Variants in HPSE2 observed in about 807,000 individuals in gnomAD.
HPSE2 encodes the protein inactive heparanase-2.
Under a neutral mutation model 60.5 loss-of-function variants are expected in HPSE2, and 38 were observed. That is an observed-to-expected ratio of 0.63 (90% CI 0.48 to 0.82). The LOEUF (loss-of-function observed/expected upper bound fraction) is 0.82, where lower values mean the gene tolerates loss of function less well. Among genes scored for constraint, HPSE2 ranks in the 40% least tolerant of loss-of-function variants. The pLI is 0.00. For missense variants in HPSE2, 713 were observed against 740.4 expected (o/e 0.96, Z 0.43); for synonymous variants, 295 against 293.2 (o/e 1.01, Z -0.06).
chr10:98,755,381 T>G (rs903479543), intron 3 of HPSE2, among the ~76,000 whole-genome samples: 1 of 152,090 alleles, frequency 6.6e-6, no homozygotes, highest in African/African-American at 2.4e-5. Context: ...AACAAGTTAT[T>G]AGAGAACTAT....
At chr10:98,644,451 G>A (rs1362782793) in intron 6 of HPSE2, among the ~76,000 whole-genome samples, 1 of 152,142 alleles carries the variant, frequency 6.6e-6, no homozygotes. Flanking sequence ...AACAGATGCT[G>A]GATTCCCAGC....
At chr10:98,710,882 T>C (rs1948660605) in intron 5 of HPSE2, among the ~76,000 whole-genome samples, 1 of 152,100 alleles carries the variant, frequency 6.6e-6, no homozygotes, top group African/African-American at 2.4e-5. Flanking sequence ...TAAGATTTTT[T>C]CTCAAGATAG....
intron 9 of HPSE2, among the ~76,000 whole-genome samples, chr10:98,499,193 A>G (rs887464788): frequency 1.3e-5 from 2 of 152,196 alleles, no homozygotes; most frequent in Non-Finnish European, 2.9e-5. Flanking sequence ...ACCTAGGCAT[A>G]TTGTCATCAG....
At chr10:98,986,463 T>C (rs1956354276) in intron 3 of HPSE2, among the ~76,000 whole-genome samples, 1 of 150,944 alleles carries the variant, frequency 6.6e-6, no homozygotes, top group African/African-American at 2.4e-5. Context: ...AGACACAACA[T>C]ACCAGAATCT....
intron 7 of HPSE2, among the ~76,000 whole-genome samples, chr10:98,626,270 G>T (rs1946212184): frequency 6.6e-6 from 1 of 152,178 alleles, no homozygotes; most frequent in African/African-American, 2.4e-5. Flanking sequence ...CTACCACCAG[G>T]AAGTTCAAAA....
chr10:98,735,696 T>G (rs886817600), intron 4 of HPSE2, among the ~76,000 whole-genome samples: 1 of 152,164 alleles, frequency 6.6e-6, no homozygotes, highest in African/African-American at 2.4e-5. Context: ...AGGAGATCAT[T>G]TGGGAGCTTT....
chr10:99,055,797 A>G (rs1958099765), intron 3 of HPSE2, among the ~76,000 whole-genome samples: 1 of 152,178 alleles, frequency 6.6e-6, no homozygotes, highest in Admixed American at 6.5e-5. Flanking sequence ...ATAATGTATC[A>G]AAATTTGTGG....
chr10:98,550,471 A>C (rs2133851009), intron 9 of HPSE2, among the ~76,000 whole-genome samples: 1 of 135,248 alleles, frequency 7.4e-6, no homozygotes, highest in Non-Finnish European at 1.5e-5. Context: ...TTCTTTCTTA[A>C]ATTTTTTTTT....
At chr10:98,696,183 T>C (rs1948207870) in intron 5 of HPSE2, among the ~76,000 whole-genome samples, 1 of 150,460 alleles carries the variant, frequency 6.6e-6, no homozygotes, top group Non-Finnish European at 1.5e-5. Flanking sequence ...AATGTTTACA[T>C]GGAATTTACT....
intron 6 of HPSE2, 74 bp downstream of exon 6, chr10:98,693,826 A>G: frequency 1.7e-6 from 2 of 1,160,884 alleles, no homozygotes; most frequent in African/African-American, 3.0e-5. Flanking sequence ...TCAGTTATGA[A>G]CTTAGTGACA....
At chr10:99,047,897 C>T in intron 3 of HPSE2, 1 of 763,222 alleles carries the variant, frequency 1.3e-6, no homozygotes, top group South Asian at 1.3e-5. Context: ...ACCTTCAGAA[C>T]CCAAACTGGC....
At chr10:98,674,168 A>G (rs191674565) in intron 6 of HPSE2, among the ~76,000 whole-genome samples, 3 of 152,314 alleles carry the variant, frequency 2.0e-5, no homozygotes, top group Admixed American at 6.5e-5. Context: ...AATTAATGTT[A>G]TTTCTTACCT....
At chr10:99,145,264 G>A (rs919410214) in intron 2 of HPSE2, among the ~76,000 whole-genome samples, 1 of 152,242 alleles carries the variant, frequency 6.6e-6, no homozygotes, top group East Asian at 1.9e-4. Context: ...AGACCAGTCT[G>A]ACCAATATGG....
Position 98,773,089 on chromosome 10 carries a change from G to A in HPSE2, c.611-29033C>T, listed in dbSNP as rs147428904. Among the ~76,000 whole-genome samples, 66 of 152,220 alleles carry A rather than the reference G, an allele frequency of 4.3e-4. No individual in the cohort carries two copies. The East Asian group carries it at 7.3e-3, about 17-fold the overall frequency. On this transcript the variant is annotated intron_variant, in intron 3 of 11. Transcript: ENST00000370552. Reference sequence around the variant, plus strand: ...TATGGTGATCTGTTTCAAGATCCTAGCCAGAGGCATAGGAGCCTCCAACCA... The same window carrying A: ...TATGGTGATCTGTTTCAAGATCCTAACCAGAGGCATAGGAGCCTCCAACCA...
chr10:98,574,855 T>G (rs1462422323), intron 9 of HPSE2, among the ~76,000 whole-genome samples: 1 of 152,176 alleles, frequency 6.6e-6, no homozygotes, highest in African/African-American at 2.4e-5. Context: ...CAGGACCCTG[T>G]GTATCTGTAC....
intron 3 of HPSE2, among the ~76,000 whole-genome samples, chr10:99,096,536 T>A (rs974959418): frequency 1.3e-5 from 2 of 152,122 alleles, no homozygotes; most frequent in Non-Finnish European, 2.9e-5. Context: ...TATTAAAACA[T>A]CCCTCTATAT....
At chr10:99,181,935 G>C (rs1301309788) in intron 2 of HPSE2, among the ~76,000 whole-genome samples, 2 of 152,084 alleles carry the variant, frequency 1.3e-5, no homozygotes, top group Non-Finnish European at 2.9e-5. Flanking sequence ...AGGGACACTT[G>C]CTCACAGAGG....
At chr10:98,978,731 T>A (rs974502636) in intron 3 of HPSE2, among the ~76,000 whole-genome samples, 3 of 152,218 alleles carry the variant, frequency 2.0e-5, no homozygotes, top group Non-Finnish European at 4.4e-5. Flanking sequence ...ATAAAAGTCC[T>A]GAAAATTGCA....
chr10:98,698,833 C>T (rs1004654171), intron 5 of HPSE2, among the ~76,000 whole-genome samples: 1 of 152,160 alleles, frequency 6.6e-6, no homozygotes, highest in Non-Finnish European at 1.5e-5. Flanking sequence ...CACAGAAATA[C>T]AAACTACCAT....
Sources: allele counts gnomAD v4.1 joint callset (sites outside exome capture counted in the v4.1 genomes callset), GRCh38; gene constraint gnomAD v4.1.1; transcripts MANE v1.5; gene names NCBI Gene and HGNC (gene_info 2026-07-23, HGNC 2026-07-21).